Variants in SEMA3E observed in about 807,000 individuals in gnomAD.
SEMA3E encodes the protein semaphorin 3E.
Under a neutral mutation model 93.6 loss-of-function variants are expected in SEMA3E, and 49 were observed. That is an observed-to-expected ratio of 0.52 (90% CI 0.42 to 0.66). The LOEUF (loss-of-function observed/expected upper bound fraction) is 0.66. Among genes scored for constraint, SEMA3E ranks in the 30% least tolerant of loss-of-function variants. The probability of loss-of-function intolerance (pLI) is 0.00; values close to 1 mark genes in which losing one functional copy is unlikely to be tolerated. For missense variants in SEMA3E, 906 were observed against 964.8 expected, an observed-to-expected ratio of 0.94 and a Z score of 0.81; for synonymous variants, 363 against 330.7, an observed-to-expected ratio of 1.10 and a Z score of -1.06.
chr7:83,593,316 G>C (rs1440221479), intron 1 of SEMA3E, among the ~76,000 whole-genome samples: 9 of 119,066 alleles, frequency 7.6e-5, no homozygotes, highest in East Asian at 4.9e-4. Context: ...GTGTGTGTGT[G>C]TGTGTGTGTG....
intron 16 of SEMA3E, among the ~76,000 whole-genome samples, chr7:83,381,970 T>A (rs979698152): frequency 1.3e-5 from 2 of 151,954 alleles, no homozygotes; most frequent in African/African-American, 4.8e-5. Flanking sequence ...TGAGGAGTAA[T>A]GCCTTTGTCA....
chr7:83,572,650 A>G (rs1792310325), intron 1 of SEMA3E, among the ~76,000 whole-genome samples: 1 of 151,950 alleles, frequency 6.6e-6, no homozygotes, highest in Non-Finnish European at 1.5e-5. Flanking sequence ...AACAAACAAA[A>G]CAAAACAAAA....
intron 1 of SEMA3E, among the ~76,000 whole-genome samples, chr7:83,631,751 A>G (rs991913471): frequency 3.3e-5 from 5 of 152,228 alleles, no homozygotes; most frequent in Non-Finnish European, 7.3e-5. Flanking sequence ...TAAAGGAAAA[A>G]GTTGGTTCAA....
At chr7:83,407,496 A>C (rs910748019) in intron 6 of SEMA3E, among the ~76,000 whole-genome samples, 3 of 152,192 alleles carry the variant, frequency 2.0e-5, no homozygotes, top group Non-Finnish European at 4.4e-5. Flanking sequence ...GGAGAGAAGA[A>C]GAATTTCAAA....
Position 83,539,118 on chromosome 7 carries a change from G to A in SEMA3E, c.116-48844C>T, listed in dbSNP as rs189023888. ...TTGGAAACATTCTAAGGATGTGTAG[G>A]ATCTTATTTTGGGGCTGTGTGCATT... On this transcript the variant is annotated intron_variant, in intron 1 of 16. Coordinates refer to ENST00000643230, the MANE Select transcript of SEMA3E (RefSeq NM_012431.3). Among the ~76,000 whole-genome samples the A allele has an allele frequency of 2.1e-3, 323 of 152,196 alleles. 1 individual carries two copies. Among genetic ancestry groups the A allele is most frequent in the Non-Finnish European group, 3.5e-3 (240 of 68,004 alleles).
Position 83,399,943 on chromosome 7 carries a change from C to T in SEMA3E, c.1366+85G>A, listed in dbSNP as rs12532427. 0.06 allele frequency: 65,348 copies of T among 1,087,282 alleles called. 2,495 individuals are homozygous for T. Among genetic ancestry groups the T allele is most frequent in the Non-Finnish European group, 0.072 (50,843 of 704,520 alleles). The allele number at this position is 1,087,282 out of a possible 1,614,324, so 67.4% of individuals were successfully genotyped here. A position where few individuals can be genotyped will look rare whatever the true frequency, so the allele number is the denominator to read the frequency against. On this transcript the variant is annotated intron_variant, in intron 11 of 16. Transcript: ENST00000643230. Reference sequence around the variant, plus strand: ...TTGTTTAACAGATGGACAGATTTGTCGATAGGTGCTTTTAGAAATATTATT... The same window carrying T: ...TTGTTTAACAGATGGACAGATTTGTTGATAGGTGCTTTTAGAAATATTATT...
At chr7:83,450,050 A>G (rs1022993405) in intron 4 of SEMA3E, among the ~76,000 whole-genome samples, 3 of 152,218 alleles carry the variant, frequency 2.0e-5, no homozygotes, top group African/African-American at 7.2e-5. Flanking sequence ...AATTTTCTTG[A>G]GCATCAGAAA....
chr7:83,411,616 TTAAG>T (rs1211738596), intron 5 of SEMA3E, among the ~76,000 whole-genome samples: 2 of 151,936 alleles, frequency 1.3e-5, no homozygotes, highest in African/African-American at 4.8e-5. Context: ...CTAATAGTAA[TTAAG>T]TAAGCAAAAA....
intron 1 of SEMA3E, among the ~76,000 whole-genome samples, chr7:83,620,555 T>A (rs1793532494): frequency 6.6e-6 from 1 of 152,002 alleles, no homozygotes; most frequent in Admixed American, 6.6e-5. Context: ...AAAAGAAAAC[T>A]TCAGGCAAAT....
At position 83,363,860 on chromosome 7, in the gene SEMA3E, A is replaced by ATTT. The variant is rs56867715; in HGVS notation, c.*3723_*3725dup. Reference sequence around the variant, plus strand: ...GGCTACAGGTGTCACAGGTCAATTCATTTTTTTTTTTTTTTTTTTTTTTTT... The same window carrying ATTT: ...GGCTACAGGTGTCACAGGTCAATTCATTTTTTTTTTTTTTTTTTTTTTTTTTTT... On this transcript the variant is annotated 3_prime_UTR_variant, in exon 17 of 17. Coordinates refer to ENST00000643230, the MANE Select transcript of SEMA3E (RefSeq NM_012431.3). 5 of 76,962 alleles carry ATTT rather than the reference A, an allele frequency of 6.5e-5. No homozygotes were observed. The highest frequency in any genetic ancestry group is 2.5e-4 in the African/African-American group (5 of 20,106). The allele number at this position is 76,962 out of a possible 1,614,324, so 4.8% of individuals were successfully genotyped here.
intron 2 of SEMA3E, among the ~76,000 whole-genome samples, chr7:83,484,313 C>T (rs543660445): frequency 6.6e-6 from 1 of 152,274 alleles, no homozygotes; most frequent in East Asian, 1.9e-4. Context: ...TTCATATGGT[C>T]ACAATCATAC....
intron 1 of SEMA3E, among the ~76,000 whole-genome samples, chr7:83,638,886 C>A (rs995323584): frequency 9.2e-5 from 14 of 151,404 alleles, no homozygotes; most frequent in Non-Finnish European, 1.5e-5. Context: ...CCGAGGCGGG[C>A]GGATCACGAG....
At chr7:83,618,971 A>G (rs1793487938) in intron 1 of SEMA3E, among the ~76,000 whole-genome samples, 1 of 151,916 alleles carries the variant, frequency 6.6e-6, no homozygotes, top group African/African-American at 2.4e-5. Context: ...TACCCATCAT[A>G]CATTCTTATA....
intron 1 of SEMA3E, among the ~76,000 whole-genome samples, chr7:83,526,863 C>T (rs1791171062): frequency 6.6e-6 from 1 of 152,140 alleles, no homozygotes; most frequent in South Asian, 2.1e-4. Context: ...CAAGTAGTCT[C>T]ATATTGTGGC....
At chr7:83,504,657 T>C (rs898247741) in intron 1 of SEMA3E, among the ~76,000 whole-genome samples, 1 of 152,194 alleles carries the variant, frequency 6.6e-6, no homozygotes, top group Non-Finnish European at 1.5e-5. Context: ...AAATTCTTCT[T>C]CTGTTTTCCT....
chr7:83,367,467 T>A lies in SEMA3E; in HGVS notation c.*119A>T, dbSNP rs1311136836. The A allele has an allele frequency of 1.0e-6, 1 of 997,376 alleles. No individual in the cohort carries two copies. Among genetic ancestry groups the A allele is most frequent in the Non-Finnish European group, 1.6e-6 (1 of 626,406 alleles). 61.8% of individuals were successfully genotyped at this position (997,376 alleles called of 1,614,324 possible). On this transcript the variant is annotated 3_prime_UTR_variant, in exon 17 of 17. Transcript: ENST00000643230. ...ATAATTTATTATAACACCTTCATAG[T>A]CATTCCTGTATTACAGAAATCTCTT... is the stretch of plus-strand genomic sequence containing the variant.
At chr7:83,499,793 C>A (rs1454897429) in intron 1 of SEMA3E, among the ~76,000 whole-genome samples, 3 of 152,108 alleles carry the variant, frequency 2.0e-5, no homozygotes, top group Non-Finnish European at 2.9e-5. Context: ...CAATTAACAG[C>A]TTATATAAAA....
At chr7:83,584,845 T>C (rs552578155) in intron 1 of SEMA3E, among the ~76,000 whole-genome samples, 2 of 152,258 alleles carry the variant, frequency 1.3e-5, no homozygotes, top group South Asian at 4.1e-4. Flanking sequence ...TCCACTCTTG[T>C]CACCTCCAAT....
chr7:83,422,897 G>C (rs1181280126), intron 4 of SEMA3E, among the ~76,000 whole-genome samples: 1 of 152,180 alleles, frequency 6.6e-6, no homozygotes, highest in East Asian at 1.9e-4. Context: ...AGAGTTTGTA[G>C]AACCTCAGGC....
Sources: gnomAD v4.1 joint callset for allele counts (sites outside exome capture counted in the v4.1 genomes callset) on GRCh38, gnomAD v4.1.1 for gene constraint, MANE v1.5 for transcripts, NCBI Gene and HGNC (gene_info 2026-07-23, HGNC 2026-07-21) for gene names.